LRMDA: variants seen among roughly 807,000 people sequenced by gnomAD.
The protein encoded by LRMDA is leucine-rich melanocyte differentiation-associated protein.
LRMDA carries 18 observed loss-of-function variants against 29.8 expected under a neutral mutation model. The observed-to-expected ratio is 0.60, with a 90% CI of 0.42 to 0.90. The LOEUF is 0.90. LRMDA is among the 40% of genes least tolerant of loss of function. The probability of loss-of-function intolerance (pLI) is 0.00; values close to 1 mark genes in which losing one functional copy is unlikely to be tolerated. For missense variants in LRMDA, 273 were observed against 273.9 expected, an observed-to-expected ratio of 1.00 and a Z score of 0.02; for synonymous variants, 125 against 109.4, an observed-to-expected ratio of 1.14 and a Z score of -0.89.
intron 6 of LRMDA, chr10:76,346,507 G>A (rs1841110115): frequency 6.6e-6 from 1 of 152,164 alleles, no homozygotes; most frequent in Admixed American, 6.5e-5. Flanking sequence ...ACATTCACAT[G>A]AATCAAATAT....
intron 6 of LRMDA, among the ~76,000 whole-genome samples, chr10:76,502,341 G>A (rs1842918753): frequency 6.6e-6 from 1 of 151,820 alleles, no homozygotes; most frequent in South Asian, 2.1e-4. Flanking sequence ...TTGGCTATTT[G>A]AGCTCTTTTT....
chr10:76,302,111 A>AT lies in LRMDA; in HGVS notation c.517-22280dup, dbSNP rs1198101707. 4.2e-3 allele frequency among the ~76,000 whole-genome samples: 632 copies of AT among 150,256 alleles called. 1 individual carries two copies. The highest frequency in any genetic ancestry group is 6.2e-3 in the Non-Finnish European group (420 of 67,496). On this transcript the variant is annotated intron_variant, in intron 5 of 6. Coordinates refer to ENST00000611255, the MANE Select transcript of LRMDA (RefSeq NM_001305581.2). Reference sequence around the variant, plus strand: ...TGGTGCGTTATTTTGAACTGGCTCTATTTTTTTTTTCCAGAGCGCCCTCAG... The same window carrying AT: ...TGGTGCGTTATTTTGAACTGGCTCTATTTTTTTTTTTCCAGAGCGCCCTCAG...
intron 2 of LRMDA, among the ~76,000 whole-genome samples, chr10:75,816,879 T>C (rs942947755): frequency 1.3e-5 from 2 of 152,204 alleles, no homozygotes; most frequent in Non-Finnish European, 2.9e-5. Context: ...TCAGCTCTTC[T>C]ACCTGGTTAG....
intron 6 of LRMDA, among the ~76,000 whole-genome samples, chr10:76,548,165 G>C (rs1843444536): frequency 6.6e-6 from 1 of 152,146 alleles, no homozygotes; most frequent in African/African-American, 2.4e-5. Flanking sequence ...TTGTATGGGT[G>C]CCTGGTCCGG....
At chr10:76,192,987 AT>A (rs1851272615) in intron 5 of LRMDA, among the ~76,000 whole-genome samples, 1 of 152,194 alleles carries the variant, frequency 6.6e-6, no homozygotes, top group Non-Finnish European at 1.5e-5. Flanking sequence ...ACTTTATAAA[AT>A]GTTTTTAAGT....
intron 2 of LRMDA, among the ~76,000 whole-genome samples, chr10:75,743,250 TC>T (rs1213579070): frequency 6.6e-6 from 1 of 152,184 alleles, no homozygotes; most frequent in Non-Finnish European, 1.5e-5. Flanking sequence ...AACCTGACCT[TC>T]CCCTCAGTTA....
intron 2 of LRMDA, among the ~76,000 whole-genome samples, chr10:75,520,173 T>C (rs1183770293): frequency 7.9e-5 from 12 of 152,172 alleles, no homozygotes; most frequent in Non-Finnish European, 1.8e-4. Flanking sequence ...TTGTTCTTCT[T>C]GAGGAGTATC....
intron 6 of LRMDA, among the ~76,000 whole-genome samples, chr10:76,412,980 G>T (rs139675888): frequency 6.6e-6 from 1 of 152,104 alleles, no homozygotes; most frequent in African/African-American, 2.4e-5. Flanking sequence ...CTCCTGGTCA[G>T]CAATCCAACC....
chr10:76,196,017 CG>C (rs1851325915), intron 5 of LRMDA, among the ~76,000 whole-genome samples: 1 of 152,110 alleles, frequency 6.6e-6, no homozygotes, highest in South Asian at 2.1e-4. Flanking sequence ...TGCATGAAAA[CG>C]ATAGTTAATT....
chr10:76,171,700 A>AT lies in LRMDA; in HGVS notation c.516+112917_516+112918insT, dbSNP rs1589362548. On this transcript the variant is annotated intron_variant, in intron 5 of 6. Transcript: ENST00000611255. ...TTGGTGCTTCTCTTTAGGGCATAGC[A>AT]CCAACGTCTTCTTGTGAGTGTATCC... Among the ~76,000 whole-genome samples the AT allele has an allele frequency of 3.9e-5, 6 of 152,174 alleles. No individual in the cohort carries two copies. The East Asian group carries it at 1.2e-3, about 29-fold the overall frequency.
At chr10:76,010,030 C>G (rs1422276591) in intron 2 of LRMDA, among the ~76,000 whole-genome samples, 1 of 152,160 alleles carries the variant, frequency 6.6e-6, no homozygotes, top group Admixed American at 6.5e-5. Context: ...GTCTTAGCAG[C>G]TCCCCAAATC....
At chr10:75,514,909 T>G (rs1845272405) in intron 2 of LRMDA, among the ~76,000 whole-genome samples, 1 of 151,870 alleles carries the variant, frequency 6.6e-6, no homozygotes. Flanking sequence ...CTGAAAGGAG[T>G]CTCGGTGAAG....
At chr10:76,183,853 G>A (rs771978507) in intron 5 of LRMDA, among the ~76,000 whole-genome samples, 1 of 151,996 alleles carries the variant, frequency 6.6e-6, no homozygotes, top group Non-Finnish European at 1.5e-5. Context: ...CAAGTAGCTG[G>A]GGCTACAAGT....
chr10:75,734,969 C>T (rs900808953), intron 2 of LRMDA, among the ~76,000 whole-genome samples: 17 of 152,180 alleles, frequency 1.1e-4, no homozygotes, highest in African/African-American at 4.1e-4. Context: ...TTTTCTCCTT[C>T]CCTTGCCGCT....
chr10:76,133,550 G>T (rs970794354), intron 5 of LRMDA, among the ~76,000 whole-genome samples: 2 of 152,134 alleles, frequency 1.3e-5, no homozygotes, highest in Non-Finnish European at 2.9e-5. Context: ...TCCCCAATGT[G>T]TGGAGAGCGA....
intron 2 of LRMDA, among the ~76,000 whole-genome samples, chr10:75,634,231 C>T (rs984243270): frequency 6.6e-6 from 1 of 152,076 alleles, no homozygotes; most frequent in African/African-American, 2.4e-5. Flanking sequence ...TAAGGGTGGC[C>T]ATGTCCATTA....
chr10:76,484,359 T>A (rs1842761617), intron 6 of LRMDA, among the ~76,000 whole-genome samples: 1 of 151,840 alleles, frequency 6.6e-6, no homozygotes, highest in South Asian at 2.1e-4. Flanking sequence ...CCCAACATTT[T>A]AATTAGGGTA....
At chr10:75,876,936 A>G (rs1375034089) in intron 2 of LRMDA, among the ~76,000 whole-genome samples, 1 of 152,066 alleles carries the variant, frequency 6.6e-6, no homozygotes, top group Non-Finnish European at 1.5e-5. Flanking sequence ...TCTGGGGCGG[A>G]GTGTGAAAAT....
At position 76,026,565 on chromosome 10, in the gene LRMDA, CAT is replaced by C. The variant is rs561216082; in HGVS notation, c.132-9442_132-9441del. Among the ~76,000 whole-genome samples, 166 of 152,316 alleles carry C rather than the reference CAT, an allele frequency of 1.1e-3. 1 individual carries two copies. The highest frequency in any genetic ancestry group is 3.8e-3 in the African/African-American group (158 of 41,574). On this transcript the variant is annotated intron_variant, in intron 2 of 6. Transcript: ENST00000611255. Reference sequence around the variant, plus strand: ...TTTCTATAAGAGGTCAGGGTGCAAACATGTGCCTTTTTATTATGGGCACATGT... The same window carrying C: ...TTTCTATAAGAGGTCAGGGTGCAAACGTGCCTTTTTATTATGGGCACATGT...
Sources: allele counts gnomAD v4.1 joint callset (sites outside exome capture counted in the v4.1 genomes callset), GRCh38; gene constraint gnomAD v4.1.1; transcripts MANE v1.5; gene names NCBI Gene and HGNC (gene_info 2026-07-23, HGNC 2026-07-21).